The following CAMKMT variants were observed in gnomAD, a reference collection of about 807,000 sequenced individuals.
CAMKMT encodes the protein calmodulin-lysine N-methyltransferase, also known as CaM KMT.
In CAMKMT, 53 loss-of-function variants were observed where a neutral mutation model predicts 48.0. The observed-to-expected ratio is 1.10, with a 90% confidence interval of 0.89 to 1.39. CAMKMT has a LOEUF of 1.39. Among genes scored for constraint, CAMKMT ranks in the 40% most tolerant of loss-of-function variants. The pLI, the probability that CAMKMT is intolerant of heterozygous loss-of-function variation, is 0.00. For synonymous variants in CAMKMT, 165 were observed against 152.3 expected (o/e 1.08, Z -0.61); for missense variants, 428 against 402.7 (o/e 1.06, Z -0.54).
intron 3 of CAMKMT, among the ~76,000 whole-genome samples, chr2:44,565,358 G>T (rs1668555673): frequency 6.6e-6 from 1 of 152,148 alleles, no homozygotes; most frequent in South Asian, 2.1e-4. Context: ...TAAAGCTTTG[G>T]CACTAACTTC....
At chr2:44,705,042 A>G (rs1166709079) in intron 4 of CAMKMT, among the ~76,000 whole-genome samples, 1 of 152,146 alleles carries the variant, frequency 6.6e-6, no homozygotes, top group Admixed American at 6.6e-5. Context: ...CATTCAATAT[A>G]TACTTCCTGA....
At chr2:44,727,428 G>T (rs1408445712) in intron 7 of CAMKMT, among the ~76,000 whole-genome samples, 1 of 152,148 alleles carries the variant, frequency 6.6e-6, no homozygotes, top group Non-Finnish European at 1.5e-5. Flanking sequence ...CCTGGACATT[G>T]TGTAAAGAAA....
At chr2:44,577,051 T>G (rs886827526) in intron 3 of CAMKMT, among the ~76,000 whole-genome samples, 7 of 152,230 alleles carry the variant, frequency 4.6e-5, no homozygotes, top group Non-Finnish European at 8.8e-5. Context: ...TGCACTATCT[T>G]CTGTAAGCAT....
intron 3 of CAMKMT, among the ~76,000 whole-genome samples, chr2:44,474,061 C>T (rs1668558473): frequency 6.6e-6 from 1 of 152,128 alleles, no homozygotes; most frequent in African/African-American, 2.4e-5. Flanking sequence ...TCACATATAC[C>T]TGTGTGCATA....
chr2:44,756,837 T>C (rs1680403524), intron 9 of CAMKMT, among the ~76,000 whole-genome samples: 3 of 152,022 alleles, frequency 2.0e-5, no homozygotes, highest in African/African-American at 7.2e-5. Context: ...CAGTGCAAGA[T>C]ACAGCAAGTT....
chr2:44,392,682 T>C (rs955625213), intron 3 of CAMKMT, among the ~76,000 whole-genome samples: 4 of 151,988 alleles, frequency 2.6e-5, no homozygotes, highest in Non-Finnish European at 4.4e-5. Context: ...ATTTATAATA[T>C]ATTTAATATA....
At chr2:44,602,768 A>G (rs1461162565) in intron 3 of CAMKMT, among the ~76,000 whole-genome samples, 10 of 152,104 alleles carry the variant, frequency 6.6e-5, no homozygotes, top group African/African-American at 1.7e-4. Context: ...ACATGAGAAT[A>G]GCATGAGGAA....
At position 44,468,623 on chromosome 2, in the gene CAMKMT, T is replaced by C. The variant is rs114313086; in HGVS notation, c.376+78318T>C. ...CTGTGTTCATCTAGAGATGGATAGA[T>C]AAAGAAAATATAAGGCCAGGTGTGG... On this transcript the variant is annotated intron_variant, in intron 3 of 10. Transcript: ENST00000378494. Among the ~76,000 whole-genome samples the C allele has an allele frequency of 4.8e-3, 733 of 152,162 alleles. 4 individuals are homozygous for C. Among genetic ancestry groups the C allele is most frequent in the African/African-American group, 0.017 (689 of 41,490 alleles).
chr2:44,507,912 A>G (rs1310672579), intron 3 of CAMKMT, among the ~76,000 whole-genome samples: 2 of 152,220 alleles, frequency 1.3e-5, no homozygotes, highest in Non-Finnish European at 2.9e-5. Context: ...AACTGGCAAC[A>G]GACACTTCAT....
chr2:44,549,310 A>G (rs1003698353), intron 3 of CAMKMT, among the ~76,000 whole-genome samples: 1 of 151,658 alleles, frequency 6.6e-6, no homozygotes, highest in Non-Finnish European at 1.5e-5. Flanking sequence ...CTCCTTCCCA[A>G]CCCCTATGGG....
chr2:44,554,220 T>C (rs561330476), intron 3 of CAMKMT, among the ~76,000 whole-genome samples: 2 of 152,306 alleles, frequency 1.3e-5, no homozygotes, highest in East Asian at 3.9e-4. Flanking sequence ...CTGACTGTTT[T>C]GTGAGGGAGA....
intron 3 of CAMKMT, among the ~76,000 whole-genome samples, chr2:44,615,425 G>T (rs1671832682): frequency 6.6e-6 from 1 of 152,198 alleles, no homozygotes; most frequent in Admixed American, 6.5e-5. Context: ...AAGAAAAGTA[G>T]ACAGATTGAG....
chr2:44,600,671 C>T (rs867460769), intron 3 of CAMKMT, among the ~76,000 whole-genome samples: 1 of 152,238 alleles, frequency 6.6e-6, no homozygotes. Context: ...TATACAGATA[C>T]AGACACACAC....
chr2:44,563,545 A>G (rs992495461), intron 3 of CAMKMT, among the ~76,000 whole-genome samples: 3 of 146,612 alleles, frequency 2.0e-5, no homozygotes, highest in Non-Finnish European at 3.1e-5. Context: ...ACATATGTAT[A>G]CATGTGCCAT....
At chr2:44,574,009 T>A (rs192800026) in intron 3 of CAMKMT, among the ~76,000 whole-genome samples, 6 of 152,312 alleles carry the variant, frequency 3.9e-5, no homozygotes, top group Admixed American at 3.3e-4. Context: ...TTCTTGAGTG[T>A]TTTTATTTAT....
At chr2:44,368,513 C>G (rs904597574) in intron 1 of CAMKMT, among the ~76,000 whole-genome samples, 1 of 152,250 alleles carries the variant, frequency 6.6e-6, no homozygotes. Flanking sequence ...GTCGTATTGT[C>G]GATCATGTAG....
At chr2:44,717,223 C>A (rs550855533) in intron 7 of CAMKMT, among the ~76,000 whole-genome samples, 18 of 152,170 alleles carry the variant, frequency 1.2e-4, no homozygotes, top group Non-Finnish European at 2.2e-4. Context: ...CATATAGAAA[C>A]CTCCAAGATG....
intron 3 of CAMKMT, among the ~76,000 whole-genome samples, chr2:44,444,590 T>C (rs1211760657): frequency 6.6e-6 from 1 of 152,202 alleles, no homozygotes; most frequent in Non-Finnish European, 1.5e-5. Flanking sequence ...AGTAATCTGT[T>C]ACAAAATTTT....
chr2:44,440,494 CT>C (rs11395967), intron 3 of CAMKMT, among the ~76,000 whole-genome samples: 1 of 152,028 alleles, frequency 6.6e-6, no homozygotes, highest in African/African-American at 2.4e-5. Flanking sequence ...TACACAAACA[CT>C]TTAAGTCTTA....
Sources: gnomAD v4.1 joint callset for allele counts (sites outside exome capture counted in the v4.1 genomes callset) on GRCh38, gnomAD v4.1.1 for gene constraint, MANE v1.5 for transcripts, NCBI Gene and HGNC (gene_info 2026-07-23, HGNC 2026-07-21) for gene names.